Variants in CCDC148 observed in about 807,000 individuals in gnomAD.
CCDC148 encodes coiled-coil domain-containing protein 148.
Under a neutral mutation model 85.7 loss-of-function variants are expected in CCDC148, and 89 were observed. The ratio of observed to expected loss-of-function variants is 1.04; its 90% CI spans 0.87 to 1.24. CCDC148 has a LOEUF of 1.24. CCDC148 is among the 50% of genes most tolerant of loss of function. The probability of loss-of-function intolerance (pLI) is 0.00; values close to 1 mark genes in which losing one functional copy is unlikely to be tolerated. For missense variants in CCDC148, 692 were observed against 671.7 expected (o/e 1.03, Z -0.33); for synonymous variants, 230 against 213.9 (o/e 1.08, Z -0.66).
chr2:158,355,280 A>G (rs1203188794), intron 2 of CCDC148, among the ~76,000 whole-genome samples: 3 of 152,084 alleles, frequency 2.0e-5, no homozygotes, highest in Non-Finnish European at 4.4e-5. Flanking sequence ...GAAAAGAGGA[A>G]GTCAAATTGT....
chr2:158,353,458 C>A (rs914398382), intron 2 of CCDC148, among the ~76,000 whole-genome samples: 10 of 144,162 alleles, frequency 6.9e-5, no homozygotes, highest in African/African-American at 2.2e-4. Context: ...TTTAAACCAA[C>A]AAAGATCAAA....
rs534195367 is a variant in CCDC148, at chr2:158,429,021, C to T, written c.25+27394G>A. ...TGAAGCTGGAAACCATCATTCTCAGCAAACTATCACAAGGACGGGAAACCA... is the reference window on the plus strand; with the variant it reads ...TGAAGCTGGAAACCATCATTCTCAGTAAACTATCACAAGGACGGGAAACCA... On this transcript the variant is annotated intron_variant, in intron 1 of 13. Coordinates refer to ENST00000283233, the MANE Select transcript of CCDC148 (RefSeq NM_138803.4). 2.0e-4 allele frequency among the ~76,000 whole-genome samples: 31 copies of T among 151,360 alleles called. 1 individual carries two copies. The South Asian group carries it at 5.2e-3, about 26-fold the overall frequency.
chr2:158,231,517 C>A (rs1157253944), intron 10 of CCDC148, among the ~76,000 whole-genome samples: 1 of 152,076 alleles, frequency 6.6e-6, no homozygotes, highest in Non-Finnish European at 1.5e-5. Context: ...TTCTGCCTTG[C>A]CTTATTGCTT....
At chr2:158,372,867 C>T (rs1639103956) in intron 1 of CCDC148, among the ~76,000 whole-genome samples, 1 of 152,124 alleles carries the variant, frequency 6.6e-6, no homozygotes, top group South Asian at 2.1e-4. Flanking sequence ...GTACTTTACC[C>T]TTGAGCATTC....
chr2:158,415,403 A>G (rs1686451176), intron 1 of CCDC148, among the ~76,000 whole-genome samples: 1 of 148,892 alleles, frequency 6.7e-6, no homozygotes, highest in Admixed American at 6.7e-5. Flanking sequence ...CTCCTCTAAC[A>G]TTAAGGATTA....
intron 11 of CCDC148, among the ~76,000 whole-genome samples, chr2:158,188,792 A>G (rs1685280218): frequency 6.6e-6 from 1 of 152,054 alleles, no homozygotes; most frequent in Admixed American, 6.6e-5. Flanking sequence ...CTCTCAACAG[A>G]TTGAACAGAC....
rs185582813 is a variant in CCDC148 at position 158,222,768 on chromosome 2, C to T, written c.1252-2055G>A. On this transcript the variant is annotated intron_variant, in intron 10 of 13. Coordinates refer to ENST00000283233, the MANE Select transcript of CCDC148 (RefSeq NM_138803.4). ...CATGGATATATCACCCTCTACCTGT[C>T]GTTATCATTGGCATGTGTAAATTTC... Among the ~76,000 whole-genome samples, 9 of 152,228 alleles carry T rather than the reference C, an allele frequency of 5.9e-5. No homozygotes were observed. The East Asian group carries it at 9.7e-4, about 16-fold the overall frequency.
At chr2:158,379,214 G>A (rs997599808) in intron 1 of CCDC148, among the ~76,000 whole-genome samples, 1 of 151,988 alleles carries the variant, frequency 6.6e-6, no homozygotes, top group Non-Finnish European at 1.5e-5. Context: ...AACTTTGAGG[G>A]GTTCAACAAT....
At chr2:158,434,227 G>A (rs1687523528) in intron 1 of CCDC148, among the ~76,000 whole-genome samples, 1 of 152,166 alleles carries the variant, frequency 6.6e-6, no homozygotes, top group South Asian at 2.1e-4. Flanking sequence ...CCCAGTAGGG[G>A]CCATATGACA....
At chr2:158,206,538 C>T (rs1443826187) in intron 11 of CCDC148, among the ~76,000 whole-genome samples, 1 of 152,222 alleles carries the variant, frequency 6.6e-6, no homozygotes, top group African/African-American at 2.4e-5. Context: ...GGAAATTTAC[C>T]ATGCAAATGT....
intron 9 of CCDC148, among the ~76,000 whole-genome samples, chr2:158,283,110 C>T (rs1289278080): frequency 2.0e-5 from 3 of 152,194 alleles, no homozygotes; most frequent in Admixed American, 2.0e-4. Flanking sequence ...CTTCCTCACA[C>T]CTTATACAAA....
intron 1 of CCDC148, among the ~76,000 whole-genome samples, chr2:158,376,278 G>T (rs1225507590): frequency 6.6e-6 from 1 of 152,030 alleles, no homozygotes; most frequent in Admixed American, 6.6e-5. Context: ...AGATATGTCA[G>T]TGGTTCTGGA....
intron 1 of CCDC148, among the ~76,000 whole-genome samples, chr2:158,366,337 A>G (rs925742254): frequency 1.3e-5 from 2 of 152,146 alleles, no homozygotes; most frequent in Non-Finnish European, 2.9e-5. Flanking sequence ...TGACTGATAA[A>G]AAATTTGTTA....
intron 11 of CCDC148, among the ~76,000 whole-genome samples, chr2:158,182,554 AC>A (rs929043579): frequency 6.6e-6 from 1 of 152,046 alleles, no homozygotes; most frequent in Non-Finnish European, 1.5e-5. Context: ...CTGCAGCAAA[AC>A]TGATGCAAAT....
chr2:158,226,337 C>T (rs957920700), intron 10 of CCDC148, among the ~76,000 whole-genome samples: 1 of 152,112 alleles, frequency 6.6e-6, no homozygotes, highest in Non-Finnish European at 1.5e-5. Flanking sequence ...AAAAAAAGTC[C>T]AGGACCAGAT....
At chr2:158,308,524 T>C (rs1348850153) in intron 9 of CCDC148, among the ~76,000 whole-genome samples, 1 of 152,246 alleles carries the variant, frequency 6.6e-6, no homozygotes, top group Non-Finnish European at 1.5e-5. Flanking sequence ...AACAAAGACA[T>C]TTGTTTTATA....
intron 9 of CCDC148, among the ~76,000 whole-genome samples, chr2:158,281,137 G>A (rs1246122462): frequency 1.3e-5 from 2 of 152,070 alleles, no homozygotes; most frequent in East Asian, 1.9e-4. Context: ...AGTGTGTACA[G>A]GGAAATTTAT....
At chr2:158,437,424 A>G (rs1265276821) in intron 1 of CCDC148, among the ~76,000 whole-genome samples, 1 of 152,252 alleles carries the variant, frequency 6.6e-6, no homozygotes, top group Non-Finnish European at 1.5e-5. Flanking sequence ...ACAAAATTCA[A>G]CAGCGCTTCA....
At chr2:158,221,388 G>A (rs1380118420) in intron 10 of CCDC148, among the ~76,000 whole-genome samples, 2 of 152,186 alleles carry the variant, frequency 1.3e-5, no homozygotes, top group Non-Finnish European at 2.9e-5. Flanking sequence ...AGGTACATAT[G>A]AGCTATTTTC....
Sources: allele counts gnomAD v4.1 joint callset (sites outside exome capture counted in the v4.1 genomes callset), GRCh38; gene constraint gnomAD v4.1.1; transcripts MANE v1.5; gene names NCBI Gene and HGNC (gene_info 2026-07-23, HGNC 2026-07-21).